TRPS1: variants seen among roughly 807,000 people sequenced by gnomAD.
TRPS1 encodes the protein transcriptional repressor GATA binding 1.
Under a neutral mutation model 101.2 loss-of-function variants are expected in TRPS1, and 6 were observed. The observed-to-expected ratio is 0.06, with a 90% CI of 0.03 to 0.12. The LOEUF (loss-of-function observed/expected upper bound fraction) is 0.12. TRPS1 is among the 10% of genes least tolerant of loss of function. The pLI is 1.00. For synonymous variants in TRPS1, 578 were observed against 589.8 expected, an observed-to-expected ratio of 0.98 and a Z score of 0.29; for missense variants, 1,363 against 1,567.0, an observed-to-expected ratio of 0.87 and a Z score of 2.20.
intron 5 of TRPS1, among the ~76,000 whole-genome samples, chr8:115,452,226 T>G (rs1210517887): frequency 6.6e-6 from 1 of 152,104 alleles, no homozygotes; most frequent in Non-Finnish European, 1.5e-5. Context: ...AGTAATAAAG[T>G]GCTAAGCAGA....
intron 5 of TRPS1, among the ~76,000 whole-genome samples, chr8:115,450,638 A>G (rs1255214553): frequency 6.6e-6 from 1 of 152,128 alleles, no homozygotes; most frequent in African/African-American, 2.4e-5. Context: ...TGCGTCAGGA[A>G]CTTCTTTCTT....
At chr8:115,540,732 C>A (rs1276498722) in intron 5 of TRPS1, among the ~76,000 whole-genome samples, 1 of 151,770 alleles carries the variant, frequency 6.6e-6, no homozygotes, top group Non-Finnish European at 1.5e-5. Context: ...GAATTACATA[C>A]CAGTTGTCTT....
At chr8:115,637,181 T>A (rs1437220162) in intron 1 of TRPS1, 2 of 897,196 alleles carry the variant, frequency 2.2e-6, no homozygotes, top group African/African-American at 1.8e-5. Context: ...GCTAACAATA[T>A]TAACATATGT....
chr8:115,518,792 C>T (rs1040323575), intron 5 of TRPS1, among the ~76,000 whole-genome samples: 4 of 151,814 alleles, frequency 2.6e-5, no homozygotes, highest in African/African-American at 9.7e-5. Flanking sequence ...CTCTGCATTG[C>T]CTTTTGCCAG....
intron 5 of TRPS1, among the ~76,000 whole-genome samples, chr8:115,465,565 T>C (rs1446591881): frequency 6.6e-6 from 1 of 152,122 alleles, no homozygotes; most frequent in East Asian, 1.9e-4. Context: ...AAAATTCTCT[T>C]AAATACACCC....
Position 115,414,971 on chromosome 8 carries a change from C to A in TRPS1, c.2937G>T (p.Gln979His). The A allele has an allele frequency of 6.3e-7, 1 of 1,584,338 alleles. No homozygotes were observed. The highest frequency in any genetic ancestry group is 1.8e-5 in the Admixed American group (1 of 55,406). Residue 979 changes from glutamine to histidine, a missense_variant, in exon 7 of 7, where the codon CAG becomes CAT. Physicochemically the swap from Gln to His is conservative, Grantham distance 24. Transcript: ENST00000395715. This position sits in a 1 kb window ranked among gnomAD's most constrained non-coding sequence, Gnocchi z 4.8. ...CTTGCTCCTCATTGCTGCCCCTCTG[C>A]TGTTTGTTGAGCTGCTCAGCCTGAA... ...EALQAEQLNK[Q>H]QRGSNEEQVN...
intron 5 of TRPS1, among the ~76,000 whole-genome samples, chr8:115,532,051 C>T (rs1816145821): frequency 6.6e-6 from 1 of 152,096 alleles, no homozygotes; most frequent in African/African-American, 2.4e-5. Context: ...GCTACTGACA[C>T]TCACGATGTT....
chr8:115,560,743 T>C (rs1816926881), intron 5 of TRPS1, among the ~76,000 whole-genome samples: 1 of 152,126 alleles, frequency 6.6e-6, no homozygotes, highest in African/African-American at 2.4e-5. Context: ...TTTACAATGC[T>C]ACCTGGCAGA....
intron 4 of TRPS1, among the ~76,000 whole-genome samples, chr8:115,590,016 C>T (rs777758217): frequency 3.3e-5 from 5 of 152,050 alleles, no homozygotes; most frequent in Non-Finnish European, 7.4e-5. Flanking sequence ...ACTCGGGAGG[C>T]TGAGGCAGGA....
intron 5 of TRPS1, among the ~76,000 whole-genome samples, chr8:115,572,433 T>G (rs1817225734): frequency 7.6e-6 from 1 of 132,122 alleles, no homozygotes; most frequent in Non-Finnish European, 1.6e-5. Flanking sequence ...TTTTTTAAAT[T>G]TCTACAACAT....
chr8:115,426,537 T>C (rs1011865847), intron 5 of TRPS1, among the ~76,000 whole-genome samples: 1 of 152,016 alleles, frequency 6.6e-6, no homozygotes, highest in Non-Finnish European at 1.5e-5. Flanking sequence ...AAAAAATCAA[T>C]AATTCTTTTC....
In TRPS1 at chr8:115,515,410, C is replaced by A. The variant is rs113561852; in HGVS notation, c.2700+71591G>T. On this transcript the variant is annotated intron_variant, in intron 5 of 6. Transcript: ENST00000395715. ...TTTGCCATGAAATATAAATCAAATG[C>A]CAAATCTCTTTTTCCTATGATTTTA... 4.7e-3 allele frequency: 2,725 copies of A among 575,966 alleles called. 57 individuals carry two copies. The highest frequency in any genetic ancestry group is 0.045 in the African/African-American group (2,405 of 53,262). 35.7% of individuals were successfully genotyped at this position (575,966 alleles called of 1,614,324 possible). A position where few individuals can be genotyped will look rare whatever the true frequency, so the allele number is the denominator to read the frequency against.
At chr8:115,525,411 C>T (rs566919828) in intron 5 of TRPS1, among the ~76,000 whole-genome samples, 9 of 152,148 alleles carry the variant, frequency 5.9e-5, no homozygotes. Flanking sequence ...CTCAGCGTTC[C>T]ACATGGTGTT....
Position 115,409,282 on chromosome 8 carries a change from CAG to C in TRPS1, c.*4739_*4740del, listed in dbSNP as rs1470722670. 39 of 67,634 alleles carry C rather than the reference CAG, an allele frequency of 5.8e-4. No homozygotes were observed. The highest frequency in any genetic ancestry group is 1.4e-3 in the East Asian group (3 of 2,106). The allele number at this position is 67,634 out of a possible 1,614,324, so 4.2% of individuals were successfully genotyped here. On this transcript the variant is annotated 3_prime_UTR_variant, in exon 7 of 7. Transcript: ENST00000395715. ...TTGGGAAAAAAAAAAAAAAAAAAAA[CAG>C]GGGAAAACCAGAATTGAGTTTTGGG...
At chr8:115,466,766 C>T (rs959102131) in intron 5 of TRPS1, among the ~76,000 whole-genome samples, 3 of 152,146 alleles carry the variant, frequency 2.0e-5, no homozygotes, top group Non-Finnish European at 4.4e-5. Context: ...TGCAGTGGAA[C>T]ACCTTTGCAA....
chr8:115,569,096 G>A (rs1350492676), intron 5 of TRPS1, among the ~76,000 whole-genome samples: 19 of 152,140 alleles, frequency 1.2e-4, no homozygotes, highest in East Asian at 1.9e-4. Context: ...TTACATCCCC[G>A]TAAACTACCC....
At chr8:115,455,423 G>C (rs1427552386) in intron 5 of TRPS1, among the ~76,000 whole-genome samples, 1 of 152,144 alleles carries the variant, frequency 6.6e-6, no homozygotes, top group Non-Finnish European at 1.5e-5. Context: ...TGATTTCTGT[G>C]GTTCTGCATG....
At chr8:115,588,730 T>C (rs934586735) in intron 4 of TRPS1, among the ~76,000 whole-genome samples, 2 of 152,228 alleles carry the variant, frequency 1.3e-5, no homozygotes, top group Non-Finnish European at 2.9e-5. Context: ...TAACTTGCTA[T>C]GAATTACCAA....
At position 115,429,163 on chromosome 8, in the gene TRPS1, G is replaced by A. The variant is rs1813258936; in HGVS notation, c.2701-10711C>T. Among the ~76,000 whole-genome samples the A allele has an allele frequency of 2.0e-5, 3 of 152,120 alleles. No homozygotes were observed. In the South Asian group the frequency reaches 6.2e-4, roughly 31 times the overall value. On this transcript the variant is annotated intron_variant, in intron 5 of 6. Transcript: ENST00000395715. ...AATAACTCACCCAGTCAATTACACAGGAAAGTCCTATAATAGGCTGTCCCT... is the reference window on the plus strand; with the variant it reads ...AATAACTCACCCAGTCAATTACACAAGAAAGTCCTATAATAGGCTGTCCCT...
Sources: gnomAD v4.1 joint callset for allele counts (sites outside exome capture counted in the v4.1 genomes callset) on GRCh38, gnomAD v4.1.1 for gene constraint, Gnocchi (gnomAD v3.1) non-coding constraint, MANE v1.5 for transcripts, NCBI Gene and HGNC (gene_info 2026-07-23, HGNC 2026-07-21) for gene names.